UNC13B: variants seen among roughly 807,000 people sequenced by gnomAD.
UNC13B encodes unc-13 homolog B.
In UNC13B, 144 loss-of-function variants were observed where a neutral mutation model predicts 211.0. The ratio of observed to expected loss-of-function variants is 0.68; its 90% CI spans 0.60 to 0.78. UNC13B has a LOEUF of 0.78. Among genes scored for constraint, UNC13B ranks in the 30% least tolerant of loss-of-function variants. UNC13B has a pLI of 0.00. For synonymous variants in UNC13B, 709 were observed against 725.8 expected (o/e 0.98, Z 0.37); for missense variants, 1,777 against 2,002.0 (o/e 0.89, Z 2.14).
intron 11 of UNC13B, chr9:35,353,056 G>C (rs1832819388): frequency 4.1e-5 from 50 of 1,232,072 alleles, no homozygotes; most frequent in Non-Finnish European, 4.7e-5. Context: ...AGGACCTTTT[G>C]GCAGACAAGT....
chr9:35,264,382 T>C (rs555697114), intron 7 of UNC13B, among the ~76,000 whole-genome samples: 1 of 152,322 alleles, frequency 6.6e-6, no homozygotes, highest in African/African-American at 2.4e-5. Flanking sequence ...GGCAAAGAAC[T>C]TGGCTGAATT....
intron 2 of UNC13B, among the ~76,000 whole-genome samples, chr9:35,229,724 C>G (rs955262142): frequency 6.6e-6 from 1 of 151,984 alleles, no homozygotes; most frequent in Non-Finnish European, 1.5e-5. Flanking sequence ...GGAGATTCCC[C>G]TTGTATGGGC....
At chr9:35,392,560 C>A (rs1008974880) in intron 26 of UNC13B, among the ~76,000 whole-genome samples, 1 of 146,164 alleles carries the variant, frequency 6.8e-6, no homozygotes, top group African/African-American at 2.5e-5. Flanking sequence ...CCAAACACCG[C>A]ATATTCTCAC....
intron 8 of UNC13B, 108 bp downstream of exon 8, chr9:35,296,038 C>A: frequency 9.8e-7 from 1 of 1,021,124 alleles, no homozygotes; most frequent in Non-Finnish European, 1.4e-6. Context: ...GTAAGTGTAG[C>A]AGTATCACCG....
intron 19 of UNC13B, 26 bp from the exon 20 acceptor site, chr9:35,381,530 C>T (rs1685119624): frequency 1.2e-6 from 2 of 1,602,874 alleles, no homozygotes; most frequent in African/African-American, 2.7e-5. Flanking sequence ...TTAACCCATT[C>T]CCTTTCTCTG....
chr9:35,169,210 C>T (rs1730982014), intron 1 of UNC13B, among the ~76,000 whole-genome samples: 1 of 152,096 alleles, frequency 6.6e-6, no homozygotes, highest in Admixed American at 6.6e-5. Context: ...TAAAAATTAG[C>T]TGTGCGTGTT....
intron 24 of UNC13B, among the ~76,000 whole-genome samples, chr9:35,386,810 A>G (rs1021679066): frequency 6.6e-6 from 1 of 152,152 alleles, no homozygotes; most frequent in African/African-American, 2.4e-5. Flanking sequence ...TGTGAGGCTG[A>G]GCTACTTCAC....
chr9:35,205,597 G>A (rs370956428), intron 1 of UNC13B, among the ~76,000 whole-genome samples: 2 of 152,260 alleles, frequency 1.3e-5, no homozygotes, highest in East Asian at 1.9e-4. Context: ...TCTACTTTCT[G>A]TCTTTGTAGA....
At position 35,382,445 on chromosome 9, in the gene UNC13B, G is replaced by A; in HGVS notation, c.10744G>A (p.Ala3582Thr). ...TLLANINAYY[A>T]HTTASTNVSA... Reference sequence around the variant, plus strand: ...ACTGGCCAACATCAACGCCTACTATGCCCACACAACTGCCTCTACCAATGT... The same window carrying A: ...ACTGGCCAACATCAACGCCTACTATACCCACACAACTGCCTCTACCAATGT... Residue 3582 changes from alanine (A) to threonine (T), a missense_variant, in exon 21 of 40, where the codon GCC becomes ACC. Physicochemically the swap from Ala to Thr is moderately conservative, Grantham distance 58. Transcript: ENST00000635942. The A allele has an allele frequency of 4.3e-6, 7 of 1,614,142 alleles. No individual in the cohort carries two copies. Among genetic ancestry groups the A allele is most frequent in the Non-Finnish European group, 5.9e-6 (7 of 1,180,036 alleles).
intron 14 of UNC13B, 118 bp downstream of exon 14, chr9:35,375,319 T>C (rs1411271948): frequency 9.0e-7 from 1 of 1,113,430 alleles, no homozygotes; most frequent in Admixed American, 1.8e-5. Context: ...CACACATTGC[T>C]GATGAAAAAG....
At chr9:35,298,338 T>C (rs1829499562) in intron 8 of UNC13B, among the ~76,000 whole-genome samples, 1 of 152,186 alleles carries the variant, frequency 6.6e-6, no homozygotes, top group Non-Finnish European at 1.5e-5. Flanking sequence ...GAGAGATTGC[T>C]TGAGTCTGGG....
chr9:35,303,405 A>G lies in UNC13B; in HGVS notation c.4001A>G (p.Asn1334Ser), dbSNP rs1829779329. 4 of 398,792 alleles carry G rather than the reference A, an allele frequency of 1.0e-5. No homozygotes were observed. The highest frequency in any genetic ancestry group is 1.3e-5 in the Non-Finnish European group (3 of 225,824). 24.7% of individuals were successfully genotyped at this position (398,792 alleles called of 1,614,324 possible). The change falls in exon 9 of 40, where the codon AAT becomes AGT. Residue 1334 changes from asparagine to serine, a missense_variant. Asn to Ser is a conservative substitution (Grantham distance 46). Transcript: ENST00000635942. ...AACAAGTTAAATTCACCTGTACTAAATACCAACATTCTCAATAAATCAAAC... is the reference window on the plus strand; with the variant it reads ...AACAAGTTAAATTCACCTGTACTAAGTACCAACATTCTCAATAAATCAAAC... ...NSNKLNSPVL[N>S]TNILNKSNNY...
At chr9:35,284,877 A>C (rs1828704003) in intron 7 of UNC13B, among the ~76,000 whole-genome samples, 1 of 152,210 alleles carries the variant, frequency 6.6e-6, no homozygotes, top group South Asian at 2.1e-4. Flanking sequence ...CATCATTTTA[A>C]TGTCATGGAA....
Position 35,386,165 on chromosome 9 carries a change from G to A in UNC13B, c.10966G>A (p.Val3656Ile). Residue 3656 changes from valine to isoleucine, a missense_variant and splice_region_variant, in exon 24 of 40, where the codon GTA becomes ATA. Coordinates refer to ENST00000635942, the MANE Select transcript of UNC13B (RefSeq NM_001371189.2). Reference protein sequence around the residue: ...LTSITFFRMKVQELQSPPRAS... With the variant: ...LTSITFFRMKIQELQSPPRAS... ...CCATATTTCTTCTTTTAATTGGCAG[G>A]TACAAGAACTGCAAAGCCCTCCAAG... The A allele has an allele frequency of 1.2e-6, 2 of 1,614,094 alleles. No homozygotes were observed. Among genetic ancestry groups the A allele is most frequent in the Non-Finnish European group, 1.7e-6 (2 of 1,179,978 alleles).
At position 35,300,799 on chromosome 9, in the gene UNC13B, G is replaced by C; in HGVS notation, c.1395G>C (p.Leu465Phe). Residue 465 changes from leucine (L) to phenylalanine (F), a missense_variant, in exon 9 of 40, where the codon TTG (leucine) becomes TTC (phenylalanine). By Grantham distance (22) the Leu-to-Phe change is conservative. Coordinates refer to ENST00000635942, the MANE Select transcript of UNC13B (RefSeq NM_001371189.2). ...ATACAATGGATGAGCTTCAGTGTTT[G>C]GTAGAAACGGTGTCAGAATATTTAG... ...RIDTMDELQC[L>F]VETVSEYLAE... 2.5e-6 allele frequency: 1 copy of C among 398,838 alleles called. No homozygotes were observed. The highest frequency in any genetic ancestry group is 3.6e-5 in the East Asian group (1 of 28,066). The allele number at this position is 398,838 out of a possible 1,614,324, so 24.7% of individuals were successfully genotyped here.
chr9:35,273,284 G>T (rs146878760), intron 7 of UNC13B, among the ~76,000 whole-genome samples: 2 of 152,294 alleles, frequency 1.3e-5, no homozygotes, highest in Non-Finnish European at 2.9e-5. Flanking sequence ...AACTTCAGAA[G>T]AATTTCTTTT....
In UNC13B at chr9:35,384,714, G is replaced by A. The variant is rs552918543; in HGVS notation, c.10875+400G>A. On this transcript the variant is annotated intron_variant, in intron 22 of 39. Coordinates refer to ENST00000635942, the MANE Select transcript of UNC13B (RefSeq NM_001371189.2). ...TTTCCAGCGGAGGTGTGAGAATCTG[G>A]CTAGGGGACAGAGAGTAGCTTGGCT... The A allele has an allele frequency of 1.3e-4, 131 of 985,350 alleles. 3 individuals carry two copies. Among genetic ancestry groups the A allele is most frequent in the East Asian group, 1.0e-3 (9 of 8,812 alleles). 61.0% of individuals were successfully genotyped at this position (985,350 alleles called of 1,614,324 possible). A position where few individuals can be genotyped will look rare whatever the true frequency, so the allele number is the denominator to read the frequency against.
At chr9:35,191,103 G>T (rs912473274) in intron 1 of UNC13B, among the ~76,000 whole-genome samples, 19 of 152,018 alleles carry the variant, frequency 1.2e-4, no homozygotes, top group Non-Finnish European at 2.2e-4. Flanking sequence ...GGGATTACAG[G>T]TGCCAGCCAC....
At chr9:35,237,083 A>T (rs1246760443) in intron 4 of UNC13B, among the ~76,000 whole-genome samples, 1 of 152,078 alleles carries the variant, frequency 6.6e-6, no homozygotes, top group East Asian at 1.9e-4. Context: ...TTGTATTCAC[A>T]CTGTCTCTAT....
Sources: allele counts gnomAD v4.1 joint callset (sites outside exome capture counted in the v4.1 genomes callset), GRCh38; gene constraint gnomAD v4.1.1; transcripts MANE v1.5; gene names NCBI Gene and HGNC (gene_info 2026-07-23, HGNC 2026-07-21).